The following MKS1 variants were observed in gnomAD, a reference collection of about 807,000 sequenced individuals.
The protein encoded by MKS1 is tectonic-like complex member MKS1.
MKS1 carries 70 observed loss-of-function variants against 83.7 expected under a neutral mutation model. That is an observed-to-expected ratio of 0.84 (90% CI 0.69 to 1.02). The LOEUF (loss-of-function observed/expected upper bound fraction) is 1.02, where lower values mean the gene tolerates loss of function less well. MKS1 is among the 50% of genes least tolerant of loss of function. The probability of loss-of-function intolerance (pLI) is 0.00; values close to 1 mark genes in which losing one functional copy is unlikely to be tolerated. For missense variants in MKS1, 681 were observed against 726.9 expected (o/e 0.94, Z 0.73); for synonymous variants, 251 against 273.4 (o/e 0.92, Z 0.81).
In MKS1 at chr17:58,210,551, A is replaced by G. The variant is rs1338213020; in HGVS notation, c.1024+108T>C. 3 of 1,115,624 alleles carry G rather than the reference A, an allele frequency of 2.7e-6. No individual in the cohort carries two copies. In the East Asian group the frequency reaches 7.1e-5, roughly 26 times the overall value. The allele number at this position is 1,115,624 out of a possible 1,614,324, so 69.1% of individuals were successfully genotyped here. On this transcript the variant is annotated intron_variant, in intron 11 of 17. Coordinates refer to ENST00000393119, the MANE Select transcript of MKS1 (RefSeq NM_017777.4). ...AAAGTGGATGTGATCTATGACCTTG[A>G]AAAGAACAGTAACAGTTTCAGCAGA...
rs770460857 is a variant in MKS1, at chr17:58,216,259, G to A, written c.262-16C>T. The A allele has an allele frequency of 3.1e-6, 5 of 1,609,754 alleles. No individual in the cohort carries two copies. The highest frequency in any genetic ancestry group is 4.2e-6 in the Non-Finnish European group (5 of 1,179,612). ...CTACTTCAAACTGAGGTTACCATAA[G>A]GAAACAGAGATGTGTACATCATTAT... On this transcript the variant is annotated splice_polypyrimidine_tract_variant and intron_variant, in intron 3 of 17. Transcript: ENST00000393119.
At chr17:58,211,605 C>T (rs1224726250) in intron 9 of MKS1, among the ~76,000 whole-genome samples, 1 of 152,078 alleles carries the variant, frequency 6.6e-6, no homozygotes, top group Non-Finnish European at 1.5e-5. Flanking sequence ...ATCTGTTGTC[C>T]AGGCTGGAAT....
rs1311306088 is a variant in MKS1, at chr17:58,218,682, G to A, written c.128C>T (p.Pro43Leu). Reference protein sequence around the residue: ...ITSSNFLHYQPAAELGKDLID... With the variant: ...ITSSNFLHYQLAAELGKDLID... ...GAGGTCCTTCCCGAGCTCGGCAGCA[G>A]GCTGATAATGAAGAAAGTTGCTTGA... The change falls in exon 2 of 18, where the codon CCT (proline) becomes CTT (leucine). Residue 43 changes from proline (P) to leucine (L), a missense_variant. Physicochemically the swap from Pro to Leu is moderately conservative, Grantham distance 98 (BLOSUM62 -3). This residue lies in a region of MKS1 where 365 missense variants were observed against 383.8 expected (regional missense o/e 0.95). Coordinates refer to ENST00000393119, the MANE Select transcript of MKS1 (RefSeq NM_017777.4). 2 of 1,613,912 alleles carry A rather than the reference G, an allele frequency of 1.2e-6. No homozygotes were observed. The highest frequency in any genetic ancestry group is 2.2e-5 in the East Asian group (1 of 44,884).
intron 2 of MKS1, among the ~76,000 whole-genome samples, chr17:58,217,617 T>G (rs1969294743): frequency 6.6e-6 from 1 of 152,056 alleles, no homozygotes; most frequent in Non-Finnish European, 1.5e-5. Flanking sequence ...GAAACCAGCC[T>G]GGACAACATA....
rs771939064 is a variant in MKS1, at chr17:58,208,550, C to T, written c.1058G>A (p.Gly353Glu). Residue 353 changes from glycine to glutamate, a missense_variant, in exon 12 of 18, where the codon GGA becomes GAA. By Grantham distance (98) the Gly-to-Glu change is moderately conservative. Transcript: ENST00000393119. ...WSSPAFQQLS[G>E]VTQTCTTKSL... ...CTTGGTGGTGCAGGTCTGTGTTACT[C>T]CTGAGAGCTGCTGGAATGCTGGGCT... The T allele has an allele frequency of 5.6e-6, 9 of 1,614,190 alleles. No individual in the cohort carries two copies. Among genetic ancestry groups the T allele is most frequent in the Non-Finnish European group, 7.6e-6 (9 of 1,180,040 alleles).
chr17:58,219,241 ACGCGCCGCGACTGCGCCGGAAAG>A (rs1244307754), exon 1 of MKS1: 3 of 1,550,038 alleles, frequency 1.9e-6, no homozygotes, highest in South Asian at 2.4e-5. Context: ...GACAGCTGCG[ACGCGCCGCGACTGCGCCGGAAAG>A]CGCGCCGCTC....
At position 58,205,719 on chromosome 17, in the gene MKS1, G is replaced by A; in HGVS notation, c.*360C>T. ...AAGATGAAAGGCTCCATTTTTAAAG[G>A]GTGGAGAACAGCAGATCCCCTGCTA... On this transcript the variant is annotated 3_prime_UTR_variant, in exon 18 of 18. Transcript: ENST00000393119. 1 of 1,342,280 alleles carries A rather than the reference G, an allele frequency of 7.5e-7. No individual in the cohort carries two copies. The highest frequency in any genetic ancestry group is 9.9e-7 in the Non-Finnish European group (1 of 1,014,662). The allele number at this position is 1,342,280 out of a possible 1,614,324, so 83.1% of individuals were successfully genotyped here.
At chr17:58,207,679 A>C (rs1968603107) in intron 14 of MKS1, 1 of 634,544 alleles carries the variant, frequency 1.6e-6, no homozygotes. Context: ...AGGAGCATGA[A>C]GCACATGGAG....
At chr17:58,210,795 G>A in intron 10 of MKS1, 71 bp from the exon 11 acceptor site, 2 of 1,509,418 alleles carry the variant, frequency 1.3e-6, no homozygotes, top group Non-Finnish European at 1.8e-6. Context: ...CAATCCTGAG[G>A]GGCCTACACA....
In MKS1 at chr17:58,208,575, TTGACCAGTC is replaced by T; in HGVS notation, c.1025-1_1032del. 6.2e-7 allele frequency: 1 copy of T among 1,614,196 alleles called. No homozygotes were observed. Among genetic ancestry groups the T allele is most frequent in the Non-Finnish European group, 8.5e-7 (1 of 1,180,030 alleles). On this transcript the variant is annotated splice_acceptor_variant and coding_sequence_variant, in exon 12 of 18. Transcript: ENST00000393119. LOFTEE classifies it high-confidence loss of function. The stretch of plus-strand genomic sequence containing the variant: ...CCTGAGAGCTGCTGGAATGCTGGGC[TTGACCAGTC>T]TGAAAGCCAAAGACCAAATATAGTA...
In MKS1 at chr17:58,207,205, C is replaced by T. The variant is rs555977738; in HGVS notation, c.1287G>A (p.Leu429=). The change falls in exon 15 of 18, where the codon CTG becomes CTA. Residue 429 remains leucine, a synonymous_variant. Coordinates refer to ENST00000393119, the MANE Select transcript of MKS1 (RefSeq NM_017777.4). ...CCACAGGTCTCCACGTGGAGACTGT[C>T]AGGGTGTGTGAGCCTGCGCAAGGGA... ...VLPATPGSHT[L]TVSTWRPVEL... is the part of the protein sequence containing the mutation. 86 of 1,614,020 alleles carry T rather than the reference C, an allele frequency of 5.3e-5. No homozygotes were observed. The highest frequency in any genetic ancestry group is 7.0e-5 in the Non-Finnish European group (83 of 1,180,038).
rs1284645360 is a variant in MKS1, at chr17:58,205,756, G to A, written c.*323C>T. 4 of 1,396,890 alleles carry A rather than the reference G, an allele frequency of 2.9e-6. No individual in the cohort carries two copies. The highest frequency in any genetic ancestry group is 3.8e-6 in the Non-Finnish European group (4 of 1,050,132). 86.5% of individuals were successfully genotyped at this position (1,396,890 alleles called of 1,614,324 possible). A position where few individuals can be genotyped will look rare whatever the true frequency, so the allele number is the denominator to read the frequency against. ...CAGATCCCCTGCTACTGTGAGACAAGCCAGAAAAGTGAGTCAAGGCCAGAC... is the reference window on the plus strand; with the variant it reads ...CAGATCCCCTGCTACTGTGAGACAAACCAGAAAAGTGAGTCAAGGCCAGAC... On this transcript the variant is annotated 3_prime_UTR_variant, in exon 18 of 18. Coordinates refer to ENST00000393119, the MANE Select transcript of MKS1 (RefSeq NM_017777.4).
At chr17:58,212,279 A>G in intron 9 of MKS1, 99 bp downstream of exon 9, 1 of 1,364,398 alleles carries the variant, frequency 7.3e-7, no homozygotes, top group Non-Finnish European at 1.0e-6. Flanking sequence ...ACTGTAGAGT[A>G]TACCTTTGGG....
chr17:58,213,694 T>G (rs1969016171), intron 7 of MKS1, 71 bp downstream of exon 7: 1 of 1,151,270 alleles, frequency 8.7e-7, no homozygotes, highest in Admixed American at 1.7e-5. Context: ...ACAGTCTAGT[T>G]GACTAGGGAC....
Position 58,213,878 on chromosome 17 carries a change from C to G in MKS1, c.645-9G>C, listed in dbSNP as rs1459001575. ...ACTTCTTATAGCCAAGCCTAGAAATCAGGAAAACACCAAGGTTGAGGTCAA... is the reference window on the plus strand; with the variant it reads ...ACTTCTTATAGCCAAGCCTAGAAATGAGGAAAACACCAAGGTTGAGGTCAA... On this transcript the variant is annotated splice_polypyrimidine_tract_variant and intron_variant, in intron 6 of 17. Transcript: ENST00000393119. 1 of 1,604,722 alleles carries G rather than the reference C, an allele frequency of 6.2e-7. No individual in the cohort carries two copies. Among genetic ancestry groups the G allele is most frequent in the Non-Finnish European group, 8.5e-7 (1 of 1,171,600 alleles).
chr17:58,213,029 G>C lies in MKS1; in HGVS notation c.811C>G (p.His271Asp), dbSNP rs201771125. The change falls in exon 8 of 18, where the codon CAC (histidine) becomes GAC (aspartate). Residue 271 changes from histidine to aspartate, a missense_variant. Coordinates refer to ENST00000393119, the MANE Select transcript of MKS1 (RefSeq NM_017777.4). ...CGCTCCTCCTCCTCCGGCTGTGCGTGGGGGGAAACATTGTCGATCGTATAT... is the reference window on the plus strand; with the variant it reads ...CGCTCCTCCTCCTCCGGCTGTGCGTCGGGGGAAACATTGTCGATCGTATAT... ...WKYTIDNVSP[H>D]AQPEEEERER... is the part of the protein sequence containing the mutation. 2.7e-5 allele frequency: 44 copies of C among 1,614,072 alleles called. No individual in the cohort carries two copies. In the East Asian group the frequency reaches 2.9e-4, roughly 11 times the overall value.
Position 58,205,964 on chromosome 17 carries a change from T to C in MKS1, c.*115A>G. The C allele has an allele frequency of 3.9e-6, 6 of 1,528,834 alleles. No individual in the cohort carries two copies. The South Asian group carries it at 6.0e-5, about 15-fold the overall frequency. 94.7% of individuals were successfully genotyped at this position (1,528,834 alleles called of 1,614,324 possible). ...CCAGCCGGGAATTTCCCAGCTTTTC[T>C]GGTTCTCAGCAGACCAACGTGGTCT... On this transcript the variant is annotated 3_prime_UTR_variant, in exon 18 of 18. Transcript: ENST00000393119.
In MKS1 at chr17:58,214,272, C is replaced by T; in HGVS notation, c.631G>A (p.Gly211Arg). 8.1e-6 allele frequency: 13 copies of T among 1,614,138 alleles called. No individual in the cohort carries two copies. The highest frequency in any genetic ancestry group is 1.1e-5 in the South Asian group (1 of 91,072). ...AGCGCCACTCACTTTTTATAGGGCC[C>T]CAGGTCTGCCATGATGTGCATTGTC... ...LQTMHIMADL[G>R]PYKKLGYKKY... The change falls in exon 6 of 18, where the codon GGG becomes AGG. Residue 211 changes from glycine (G) to arginine (R), a missense_variant. Gly to Arg is a moderately radical substitution (Grantham distance 125, BLOSUM62 -2). Coordinates refer to ENST00000393119, the MANE Select transcript of MKS1 (RefSeq NM_017777.4).
intron 13 of MKS1, 42 bp downstream of exon 13, chr17:58,208,063 T>C (rs781419863): frequency 2.5e-6 from 4 of 1,607,718 alleles, no homozygotes; most frequent in Non-Finnish European, 3.4e-6. Context: ...CAGCACTGCT[T>C]GAGGGGAACC....
Sources: gnomAD v4.1 joint callset for allele counts (sites outside exome capture counted in the v4.1 genomes callset) on GRCh38, gnomAD v4.1.1 for gene constraint, gnomAD v4.1.1 regional missense constraint, MANE v1.5 for transcripts, NCBI Gene and HGNC (gene_info 2026-07-23, HGNC 2026-07-21) for gene names.